The following PAK3 variants were observed in gnomAD, a reference collection of about 807,000 sequenced individuals.
The protein encoded by PAK3 is serine/threonine-protein kinase PAK 3.
A neutral mutation model predicts 41.0 loss-of-function variants in PAK3; 4 were observed. That is an observed-to-expected ratio of 0.10 (90% CI 0.05 to 0.22). PAK3 has a LOEUF of 0.22. PAK3 is among the 10% of genes least tolerant of loss of function. The pLI, the probability that PAK3 is intolerant of heterozygous loss-of-function variation, is 1.00. For missense variants in PAK3, 205 were observed against 409.9 expected, an observed-to-expected ratio of 0.50 and a Z score of 4.32; for synonymous variants, 146 against 139.6, an observed-to-expected ratio of 1.05 and a Z score of -0.32.
At chrX:111,153,003 A>G (rs948725970) in intron 8 of PAK3, among the ~76,000 whole-genome samples, 15 of 111,883 alleles carry the variant, frequency 1.3e-4, no homozygotes, top group African/African-American at 4.9e-4. Context: ...GCTATTACAA[A>G]TTAAGCTACT....
chrX:111,193,631 T>G (rs1251108255), intron 13 of PAK3, among the ~76,000 whole-genome samples: 1 of 111,164 alleles, frequency 9.0e-6, no homozygotes, highest in East Asian at 2.8e-4. Flanking sequence ...ATTACAGGCG[T>G]GAGCCACTCC....
intron 6 of PAK3, among the ~76,000 whole-genome samples, chrX:111,147,137 A>G (rs1202346575): frequency 3.6e-5 from 4 of 111,227 alleles, no homozygotes; most frequent in Non-Finnish European, 7.5e-5. Context: ...GTTACTGTTT[A>G]GCATCTCAGT....
chrX:111,175,579 A>G (rs2094396324), intron 11 of PAK3, among the ~76,000 whole-genome samples: 1 of 111,135 alleles, frequency 9.0e-6, no homozygotes, highest in Non-Finnish European at 1.9e-5. Flanking sequence ...GTGTTTTTCC[A>G]TGGTTGTTTT....
rs1481515673 is a variant in PAK3 at position 111,043,421 on chromosome X, G to A, written c.-27-79656G>A. On this transcript the variant is annotated intron_variant, in intron 1 of 14. Transcript: ENST00000425146. Reference sequence around the variant, plus strand: ...CACTCCGTTTCTTCAAACACAGTAAGCATCATTTTATAGTCTGTCTCTGGT... The same window carrying A: ...CACTCCGTTTCTTCAAACACAGTAAACATCATTTTATAGTCTGTCTCTGGT... 8.9e-5 allele frequency among the ~76,000 whole-genome samples: 10 copies of A among 111,944 alleles called. No homozygotes were observed. In the Admixed American group the frequency reaches 9.5e-4, roughly 11 times the overall value.
intron 10 of PAK3, among the ~76,000 whole-genome samples, chrX:111,166,421 T>A (rs2094256021): frequency 9.0e-6 from 1 of 111,237 alleles, no homozygotes; most frequent in South Asian, 3.8e-4. Flanking sequence ...CACCTCAGCC[T>A]CCCAAGTAGC....
chrX:111,176,702 T>A (rs1293404364), intron 11 of PAK3, among the ~76,000 whole-genome samples: 1 of 110,331 alleles, frequency 9.1e-6, no homozygotes, highest in African/African-American at 3.3e-5. Flanking sequence ...TCTCTGGGTA[T>A]TTGTGTGTGC....
chrX:111,132,008 C>T (rs374015179), intron 5 of PAK3, among the ~76,000 whole-genome samples: 1 of 110,285 alleles, frequency 9.1e-6, no homozygotes, highest in African/African-American at 3.3e-5. Context: ...AAGGAAAAAC[C>T]ACAGTACTTA....
intron 1 of PAK3, among the ~76,000 whole-genome samples, chrX:111,086,037 T>C (rs2092878669): frequency 1.2e-5 from 1 of 86,470 alleles, no homozygotes; most frequent in Non-Finnish European, 2.1e-5. Flanking sequence ...GCTTAAACCG[T>C]AGAGAGAAGA....
At position 111,221,209 on chromosome X, in the gene PAK3, TAAAG is replaced by T. The variant is rs1238405845; in HGVS notation, c.*763_*766del. ...GCTTTCAAAAAACTGTATATCTAAATAAAGCTCAAACGGTGAAATCCTGTCACAT... is the reference window on the plus strand; with the variant it reads ...GCTTTCAAAAAACTGTATATCTAAATCTCAAACGGTGAAATCCTGTCACAT... On this transcript the variant is annotated 3_prime_UTR_variant, in exon 18 of 18. Coordinates refer to ENST00000372007, the MANE Select transcript of PAK3 (RefSeq NM_002578.5). 1 of 112,150 alleles carries T rather than the reference TAAAG, an allele frequency of 8.9e-6. No homozygotes were observed. Among genetic ancestry groups the T allele is most frequent in the African/African-American group, 3.2e-5 (1 of 30,868 alleles). 9.2% of individuals were successfully genotyped at this position (112,150 alleles called of 1,213,427 possible). A position where few individuals can be genotyped will look rare whatever the true frequency, so the allele number is the denominator to read the frequency against.
intron 12 of PAK3, 81 bp downstream of exon 12, chrX:111,192,256 T>A: frequency 3.6e-6 from 2 of 561,647 alleles, no homozygotes; most frequent in South Asian, 2.8e-5. Context: ...CAACTTCGCC[T>A]AAAAAAAAAA....
chrX:111,019,299 G>C (rs151072260), intron 1 of PAK3, among the ~76,000 whole-genome samples: 1 of 110,617 alleles, frequency 9.0e-6, no homozygotes, highest in African/African-American at 3.3e-5. Flanking sequence ...GAGTGAAAAG[G>C]CATCCTACAG....
chrX:111,071,227 T>C (rs2092741684), intron 1 of PAK3, among the ~76,000 whole-genome samples: 1 of 112,054 alleles, frequency 8.9e-6, no homozygotes, highest in African/African-American at 3.2e-5. Context: ...TTGGGAATTT[T>C]CACCTACACC....
chrX:110,979,520 A>C (rs1016610624), intron 1 of PAK3, among the ~76,000 whole-genome samples: 1 of 110,557 alleles, frequency 9.0e-6, no homozygotes, highest in African/African-American at 3.3e-5. Flanking sequence ...GATGGTCTCG[A>C]TCTCCTGACC....
At chrX:111,029,367 A>G (rs751384532) in intron 1 of PAK3, among the ~76,000 whole-genome samples, 4 of 111,399 alleles carry the variant, frequency 3.6e-5, no homozygotes, top group African/African-American at 6.5e-5. Flanking sequence ...AAAAATCAGT[A>G]TATAACTTTT....
At chrX:111,188,168 T>C (rs746962663) in intron 11 of PAK3, among the ~76,000 whole-genome samples, 1 of 108,939 alleles carries the variant, frequency 9.2e-6, no homozygotes, top group African/African-American at 3.3e-5. Flanking sequence ...CTCTAGCAAT[T>C]TTAATACAAT....
chrX:110,949,950 A>C (rs757721399), intron 1 of PAK3, among the ~76,000 whole-genome samples: 2 of 111,315 alleles, frequency 1.8e-5, no homozygotes, highest in South Asian at 7.6e-4. Context: ...CAACTCTTTC[A>C]CTTCTCTCCA....
chrX:111,110,985 A>G (rs1476117510), intron 4 of PAK3, among the ~76,000 whole-genome samples: 1 of 112,011 alleles, frequency 8.9e-6, no homozygotes, highest in Non-Finnish European at 1.9e-5. Flanking sequence ...CTCAGGGATC[A>G]TTAGTCACTC....
At chrX:111,147,198 A>G (rs1284422172) in intron 6 of PAK3, among the ~76,000 whole-genome samples, 5 of 111,678 alleles carry the variant, frequency 4.5e-5, no homozygotes, top group Non-Finnish European at 1.9e-5. Context: ...ACCTGCCTTT[A>G]TAGTAAAGCG....
At chrX:110,992,833 T>C (rs2091674178) in intron 1 of PAK3, among the ~76,000 whole-genome samples, 1 of 111,759 alleles carries the variant, frequency 8.9e-6, no homozygotes, top group Non-Finnish European at 1.9e-5. Context: ...TTCTATCACC[T>C]GAGCAACCCA....
Sources: allele counts gnomAD v4.1 joint callset (sites outside exome capture counted in the v4.1 genomes callset), GRCh38; gene constraint gnomAD v4.1.1; transcripts MANE v1.5; gene names NCBI Gene and HGNC (gene_info 2026-07-23, HGNC 2026-07-21).